Variants in RFX7 observed in about 807,000 individuals in gnomAD.
RFX7 encodes regulatory factor X7.
RFX7 carries 26 observed loss-of-function variants against 111.8 expected under a neutral mutation model. The observed-to-expected ratio is 0.23, with a 90% CI of 0.17 to 0.32. RFX7 has a LOEUF of 0.32. Among genes scored for constraint, RFX7 ranks in the 10% least tolerant of loss-of-function variants. The pLI, the probability that RFX7 is intolerant of heterozygous loss-of-function variation, is 1.00. For missense variants in RFX7, 1,573 were observed against 1,772.9 expected, an observed-to-expected ratio of 0.89 and a Z score of 2.02; for synonymous variants, 624 against 624.4, an observed-to-expected ratio of 1.00 and a Z score of 0.01.
At chr15:56,140,286 C>T (rs143304568) in intron 5 of RFX7, among the ~76,000 whole-genome samples, 1 of 152,322 alleles carries the variant, frequency 6.6e-6, no homozygotes, top group East Asian at 1.9e-4. Flanking sequence ...GGCGTAGGAC[C>T]CTCTGAGCCA....
intron 2 of RFX7, among the ~76,000 whole-genome samples, chr15:56,227,566 T>A (rs1447536022): frequency 2.6e-5 from 4 of 152,156 alleles, no homozygotes; most frequent in Non-Finnish European, 5.9e-5. Context: ...GCAATATACA[T>A]TTATGACTAA....
At chr15:56,171,866 C>T (rs2042848801) in intron 3 of RFX7, among the ~76,000 whole-genome samples, 1 of 152,036 alleles carries the variant, frequency 6.6e-6, no homozygotes, top group Admixed American at 6.6e-5. Flanking sequence ...GGGCCTAGAG[C>T]TTAGGATGGG....
intron 3 of RFX7, among the ~76,000 whole-genome samples, chr15:56,161,629 C>G (rs947894362): frequency 6.6e-6 from 1 of 151,886 alleles, no homozygotes; most frequent in Non-Finnish European, 1.5e-5. Flanking sequence ...GAAAGAAACA[C>G]AACTACAATG....
At chr15:56,096,751 AG>A in intron 9 of RFX7, 131 bp from the exon 10 acceptor site, 16 of 961,892 alleles carry the variant, frequency 1.7e-5, no homozygotes, top group Non-Finnish European at 2.1e-5. Flanking sequence ...ATGTTAGAAG[AG>A]AGTTCTTCTA....
In RFX7 at chr15:56,134,596, CTTTTTTTTTTTTTTTTACTTTCT is replaced by C. The variant is rs759093599; in HGVS notation, c.401+8159_401+8181del. Among the ~76,000 whole-genome samples, 1,007 of 132,698 alleles carry C rather than the reference CTTTTTTTTTTTTTTTTACTTTCT, an allele frequency of 7.6e-3. 6 individuals carry two copies. Among genetic ancestry groups the C allele is most frequent in the Non-Finnish European group, 0.01 (652 of 63,432 alleles). The allele number at this position is 132,698 out of a possible 152,430, so 87.1% of individuals were successfully genotyped here. A position where few individuals can be genotyped will look rare whatever the true frequency, so the allele number is the denominator to read the frequency against. ...AATTGTAGCCTATCTAAATCACTTT[CTTTTTTTTTTTTTTTTACTTTCT>C]TTTTTTTTTTTTATTATACTTTAAG... On this transcript the variant is annotated intron_variant, in intron 5 of 9. Coordinates refer to ENST00000559447, the MANE Select transcript of RFX7 (RefSeq NM_022841.7).
chr15:56,215,563 C>T (rs909298268), intron 2 of RFX7, among the ~76,000 whole-genome samples: 1 of 152,086 alleles, frequency 6.6e-6, no homozygotes, highest in South Asian at 2.1e-4. Flanking sequence ...GATGTTATTA[C>T]CATTTTTATA....
intron 3 of RFX7, among the ~76,000 whole-genome samples, chr15:56,151,031 G>A (rs920024953): frequency 1.4e-4 from 22 of 152,030 alleles, no homozygotes; most frequent in African/African-American, 5.1e-4. Flanking sequence ...AAAAAGGTAC[G>A]AGTCAAGCCT....
At position 56,092,355 on chromosome 15, in the gene RFX7, G is replaced by A. The variant is rs2041607053; in HGVS notation, c.*990C>T. Reference sequence around the variant, plus strand: ...CAAACTACATTACTATATTCAGGAGGAGTGAGGGAGTCAGTCACTCAATTG... The same window carrying A: ...CAAACTACATTACTATATTCAGGAGAAGTGAGGGAGTCAGTCACTCAATTG... On this transcript the variant is annotated 3_prime_UTR_variant, in exon 10 of 10. Transcript: ENST00000559447. The A allele has an allele frequency of 6.6e-6, 1 of 152,436 alleles. No homozygotes were observed. Among genetic ancestry groups the A allele is most frequent in the South Asian group, 2.1e-4 (1 of 4,822 alleles). 9.4% of individuals were successfully genotyped at this position (152,436 alleles called of 1,614,324 possible).
At chr15:56,101,280 T>A in intron 8 of RFX7, 79 bp downstream of exon 8, 1 of 1,203,808 alleles carries the variant, frequency 8.3e-7, no homozygotes, top group Non-Finnish European at 1.2e-6. Context: ...AGTTCTTTGA[T>A]CTAACTCTTC....
At chr15:56,239,048 G>A (rs990310606) in intron 2 of RFX7, among the ~76,000 whole-genome samples, 4 of 151,970 alleles carry the variant, frequency 2.6e-5, no homozygotes, top group African/African-American at 9.7e-5. Flanking sequence ...TGCCCAGGCT[G>A]GTCGCAAACT....
At chr15:56,098,987 C>G (rs937977376) in intron 8 of RFX7, among the ~76,000 whole-genome samples, 9 of 151,646 alleles carry the variant, frequency 5.9e-5, no homozygotes, top group Non-Finnish European at 1.0e-4. Flanking sequence ...AATTTCTTAA[C>G]AAGACTAAAG....
At chr15:56,164,208 A>G (rs1281604636) in intron 3 of RFX7, among the ~76,000 whole-genome samples, 3 of 152,194 alleles carry the variant, frequency 2.0e-5, no homozygotes, top group Admixed American at 6.5e-5. Context: ...ACCAATCCAA[A>G]AATTTTAGAA....
intron 2 of RFX7, among the ~76,000 whole-genome samples, chr15:56,218,217 C>T (rs144076149): frequency 0.015 from 1,913 of 124,452 alleles, 24 homozygotes; most frequent in Middle Eastern, 0.075. Flanking sequence ...TGCAATGGCG[C>T]GTTCTCGGCT....
intron 3 of RFX7, among the ~76,000 whole-genome samples, chr15:56,154,815 C>T (rs909601562): frequency 6.6e-6 from 1 of 152,082 alleles, no homozygotes; most frequent in African/African-American, 2.4e-5. Flanking sequence ...TTCTGCACAG[C>T]AAAAGAAACT....
chr15:56,105,990 G>A (rs774651530), intron 5 of RFX7, among the ~76,000 whole-genome samples: 1 of 152,180 alleles, frequency 6.6e-6, no homozygotes, highest in Non-Finnish European at 1.5e-5. Context: ...TCTAGCATAT[G>A]GCATTGTTAG....
intron 8 of RFX7, 41 bp from the exon 9 acceptor site, chr15:56,098,417 C>T (rs754756659): frequency 3.3e-6 from 5 of 1,524,260 alleles, no homozygotes; most frequent in East Asian, 2.4e-5. Context: ...AAATACTCTC[C>T]TTTATAGAAG....
intron 5 of RFX7, 33 bp from the exon 6 acceptor site, chr15:56,103,703 C>T: frequency 8.0e-7 from 1 of 1,256,546 alleles, no homozygotes; most frequent in Non-Finnish European, 1.1e-6. Flanking sequence ...TTTAGAGTGA[C>T]AGAATTCAGA....
chr15:56,224,667 A>G (rs1011268817), intron 2 of RFX7, among the ~76,000 whole-genome samples: 2 of 148,248 alleles, frequency 1.3e-5, no homozygotes, highest in South Asian at 2.3e-4. Flanking sequence ...GGGATTCAGT[A>G]TAAGTGAAAA....
intron 5 of RFX7, among the ~76,000 whole-genome samples, chr15:56,119,776 CAAAAAAA>C (rs1207159378): frequency 1.3e-3 from 86 of 65,274 alleles, no homozygotes; most frequent in African/African-American, 4.0e-3. Flanking sequence ...CACTGTGTCT[CAAAAAAA>C]AAAAAAAAAA....
Sources: gnomAD v4.1 joint callset for allele counts (sites outside exome capture counted in the v4.1 genomes callset) on GRCh38, gnomAD v4.1.1 for gene constraint, MANE v1.5 for transcripts, NCBI Gene and HGNC (gene_info 2026-07-23, HGNC 2026-07-21) for gene names.